The following KCNIP4 variants were observed in gnomAD, a reference collection of about 807,000 sequenced individuals.
KCNIP4 encodes potassium voltage-gated channel interacting protein 4.
KCNIP4 carries 12 observed loss-of-function variants against 34.0 expected under a neutral mutation model. The observed-to-expected ratio is 0.35, with a 90% CI of 0.23 to 0.57. KCNIP4 has a LOEUF of 0.57. Among genes scored for constraint, KCNIP4 ranks in the 20% least tolerant of loss-of-function variants. The pLI, the probability that KCNIP4 is intolerant of heterozygous loss-of-function variation, is 0.83. For synonymous variants in KCNIP4, 124 were observed against 102.2 expected, an observed-to-expected ratio of 1.21 and a Z score of -1.29; for missense variants, 238 against 311.7, an observed-to-expected ratio of 0.76 and a Z score of 1.78.
chr4:21,768,435 T>G (rs534397945), intron 1 of KCNIP4, among the ~76,000 whole-genome samples: 1 of 152,192 alleles, frequency 6.6e-6, no homozygotes, highest in South Asian at 2.1e-4. Context: ...AAGCAGGGCT[T>G]CACCTTGGTG....
intron 1 of KCNIP4, among the ~76,000 whole-genome samples, chr4:21,191,369 A>G (rs992393577): frequency 6.6e-6 from 1 of 152,232 alleles, no homozygotes; most frequent in Non-Finnish European, 1.5e-5. Flanking sequence ...AAGGCTGGAA[A>G]GTATTCATAA....
chr4:21,777,252 C>G (rs1170344093), intron 1 of KCNIP4, among the ~76,000 whole-genome samples: 1 of 152,162 alleles, frequency 6.6e-6, no homozygotes, highest in Non-Finnish European at 1.5e-5. Context: ...ATAAATTACC[C>G]AGTCTCAGGC....
chr4:20,980,091 C>T (rs1735927719), intron 1 of KCNIP4, among the ~76,000 whole-genome samples: 1 of 152,224 alleles, frequency 6.6e-6, no homozygotes. Flanking sequence ...TCTCTGGAGT[C>T]CTTTCCAGAA....
At chr4:21,008,634 C>A (rs961810390) in intron 1 of KCNIP4, among the ~76,000 whole-genome samples, 8 of 151,924 alleles carry the variant, frequency 5.3e-5, no homozygotes, top group Non-Finnish European at 7.4e-5. Context: ...CGCCATTCTC[C>A]TGCCTCAGCC....
At chr4:20,945,727 G>A (rs534358974) in intron 1 of KCNIP4, among the ~76,000 whole-genome samples, 6 of 152,066 alleles carry the variant, frequency 3.9e-5, no homozygotes, top group South Asian at 4.2e-4. Flanking sequence ...CTCTCAAAAC[G>A]GTTCTTAAAA....
intron 1 of KCNIP4, among the ~76,000 whole-genome samples, chr4:21,707,372 C>T (rs554689123): frequency 1.6e-4 from 25 of 152,062 alleles, no homozygotes; most frequent in African/African-American, 5.3e-4. Context: ...CCTGGAGGGC[C>T]GAAGAAGTGA....
intron 1 of KCNIP4, among the ~76,000 whole-genome samples, chr4:21,427,326 A>T (rs1375377003): frequency 3.3e-5 from 5 of 152,168 alleles, no homozygotes; most frequent in Admixed American, 3.3e-4. Context: ...AAAAAAAAAA[A>T]AATTAAGGCT....
intron 1 of KCNIP4, among the ~76,000 whole-genome samples, chr4:21,769,394 G>A (rs1289024625): frequency 6.6e-6 from 1 of 151,938 alleles, no homozygotes; most frequent in East Asian, 1.9e-4. Flanking sequence ...TACTTTTGCT[G>A]GTCATATATT....
chr4:21,056,720 C>T (rs1475386414), intron 1 of KCNIP4, among the ~76,000 whole-genome samples: 1 of 152,092 alleles, frequency 6.6e-6, no homozygotes, highest in Non-Finnish European at 1.5e-5. Flanking sequence ...TGACCTGAAA[C>T]CCTCTGAAGG....
At chr4:20,821,888 C>T (rs550076725) in intron 3 of KCNIP4, among the ~76,000 whole-genome samples, 63 of 152,070 alleles carry the variant, frequency 4.1e-4, no homozygotes, top group Non-Finnish European at 7.1e-4. Context: ...GTATCTCTCT[C>T]TCTCTCTCAC....
At chr4:21,467,078 ACACACAC>A (rs1560434230) in intron 1 of KCNIP4, among the ~76,000 whole-genome samples, 17 of 55,066 alleles carry the variant, frequency 3.1e-4, no homozygotes, top group African/African-American at 1.5e-3. Flanking sequence ...AAACAAACAC[ACACACAC>A]ACACACACAC....
At chr4:21,247,077 A>C (rs1422212017) in intron 1 of KCNIP4, among the ~76,000 whole-genome samples, 1 of 152,194 alleles carries the variant, frequency 6.6e-6, no homozygotes, top group East Asian at 1.9e-4. Flanking sequence ...AGTTAAGATT[A>C]AAATAGGAAT....
At chr4:21,532,990 G>A (rs980451652) in intron 1 of KCNIP4, among the ~76,000 whole-genome samples, 1 of 138,224 alleles carries the variant, frequency 7.2e-6, no homozygotes, top group African/African-American at 2.8e-5. Context: ...ACATATGTGT[G>A]AGTGTGTATA....
chr4:21,248,928 G>T (rs535248126), intron 1 of KCNIP4, among the ~76,000 whole-genome samples: 1 of 152,122 alleles, frequency 6.6e-6, no homozygotes, highest in Non-Finnish European at 1.5e-5. Context: ...CAGTGCTTTC[G>T]CTGTTGTATC....
chr4:21,785,815 T>A (rs921281824), intron 1 of KCNIP4, among the ~76,000 whole-genome samples: 19 of 152,202 alleles, frequency 1.2e-4, no homozygotes. Flanking sequence ...AATATTTCAT[T>A]GTACGGATAT....
intron 1 of KCNIP4, among the ~76,000 whole-genome samples, chr4:21,650,966 C>T (rs897268214): frequency 1.3e-5 from 2 of 151,760 alleles, no homozygotes; most frequent in African/African-American, 2.4e-5. Context: ...ATGGTCTTCT[C>T]CATCTTTAAA....
intron 1 of KCNIP4, among the ~76,000 whole-genome samples, chr4:21,841,779 A>G (rs1723701823): frequency 6.6e-6 from 1 of 152,166 alleles, no homozygotes; most frequent in Non-Finnish European, 1.5e-5. Flanking sequence ...TTAGCTCTGA[A>G]AAAAACAAGT....
intron 1 of KCNIP4, among the ~76,000 whole-genome samples, chr4:21,667,077 A>T (rs560811166): frequency 6.6e-6 from 1 of 152,236 alleles, no homozygotes; most frequent in East Asian, 1.9e-4. Flanking sequence ...CTCCCCTTCC[A>T]GACACACCCC....
intron 2 of KCNIP4, among the ~76,000 whole-genome samples, chr4:20,865,337 C>T (rs1306000021): frequency 1.3e-5 from 2 of 151,738 alleles, no homozygotes; most frequent in Non-Finnish European, 2.9e-5. Flanking sequence ...TAAGTTCTAA[C>T]CTTATTCTTT....
Sources: gnomAD v4.1 joint callset for allele counts (sites outside exome capture counted in the v4.1 genomes callset) on GRCh38, gnomAD v4.1.1 for gene constraint, MANE v1.5 for transcripts, NCBI Gene and HGNC (gene_info 2026-07-23, HGNC 2026-07-21) for gene names.